ZNF782: variants seen among roughly 807,000 people sequenced by gnomAD.
ZNF782 encodes the protein zinc finger protein 782.
ZNF782 carries 12 observed loss-of-function variants against 13.0 expected under a neutral mutation model. The observed-to-expected ratio is 0.92, with a 90% CI of 0.59 to 1.50. ZNF782 has a LOEUF of 1.50. Ranked by LOEUF, ZNF782 falls within the 40% of genes most tolerant of loss-of-function variation. ZNF782 has a pLI of 0.00. For synonymous variants in ZNF782, 284 were observed against 283.0 expected (o/e 1.00, Z -0.04); for missense variants, 770 against 822.9 (o/e 0.94, Z 0.79).
intron 3 of ZNF782, among the ~76,000 whole-genome samples, chr9:96,846,932 G>C (rs951472763): frequency 3.3e-5 from 5 of 152,136 alleles, no homozygotes; most frequent in African/African-American, 1.2e-4. Context: ...CAGATCATAT[G>C]ATAGGCCACA....
At chr9:96,901,270 C>CT in the ZNF782 span, among the ~76,000 whole-genome samples, 5,514 of 126,902 alleles carry the variant, frequency 0.043, 309 homozygotes, top group African/African-American at 0.11. Flanking sequence ...TGAAAAAAAA[C>CT]TTTTTTTTTT....
chr9:96,848,383 TG>T (rs1294695116), intron 3 of ZNF782, among the ~76,000 whole-genome samples: 8 of 152,232 alleles, frequency 5.3e-5, no homozygotes. Flanking sequence ...TACTGCTGTT[TG>T]TAGATGATAT....
chr9:96,893,328 T>A, the ZNF782 span: 1 of 152,128 alleles, frequency 6.6e-6, no homozygotes, highest in Admixed American at 6.5e-5. Flanking sequence ...AAATTCCAAC[T>A]CATAGTTAAA....
chr9:96,829,559 A>G (rs1477462470), intron 4 of ZNF782, among the ~76,000 whole-genome samples: 1 of 152,210 alleles, frequency 6.6e-6, no homozygotes, highest in Non-Finnish European at 1.5e-5. Flanking sequence ...TTATAGAAGT[A>G]GATTACAAGT....
the ZNF782 span, among the ~76,000 whole-genome samples, chr9:96,920,411 C>A: frequency 8.2e-5 from 12 of 146,974 alleles, no homozygotes; most frequent in Admixed American, 8.0e-4. Context: ...GGACTACAGG[C>A]GCCCACCACC....
At chr9:96,832,766 T>G (rs1190370373) in intron 4 of ZNF782, among the ~76,000 whole-genome samples, 1 of 152,234 alleles carries the variant, frequency 6.6e-6, no homozygotes, top group Non-Finnish European at 1.5e-5. Context: ...TCTTTAGTTG[T>G]CAGAAGTTTC....
chr9:96,881,365 A>G, the ZNF782 span, among the ~76,000 whole-genome samples: 2 of 151,752 alleles, frequency 1.3e-5, no homozygotes, highest in African/African-American at 4.8e-5. Flanking sequence ...TTAATTTGAG[A>G]CTTTTCCTTT....
At chr9:96,901,259 T>C in the ZNF782 span, among the ~76,000 whole-genome samples, 2 of 150,812 alleles carry the variant, frequency 1.3e-5, no homozygotes, top group African/African-American at 4.9e-5. Flanking sequence ...TGTCCTATAA[T>C]TGAAAAAAAA....
At chr9:96,841,064 A>G (rs1231144483) in intron 4 of ZNF782, among the ~76,000 whole-genome samples, 1 of 151,990 alleles carries the variant, frequency 6.6e-6, no homozygotes, top group Non-Finnish European at 1.5e-5. Context: ...AAAGAATAAA[A>G]CAGGTCTATA....
At chr9:96,826,932 T>A (rs1850641871) in intron 5 of ZNF782, 148 bp downstream of exon 5, 1 of 522,070 alleles carries the variant, frequency 1.9e-6, no homozygotes, top group Admixed American at 3.5e-5. Flanking sequence ...TCCTACGAAC[T>A]TTGCCCCATG....
chr9:96,932,433 G>C, the ZNF782 span: 1 of 1,527,848 alleles, frequency 6.5e-7, no homozygotes. Flanking sequence ...GTGTCCTCGG[G>C]GCGCCGGAGC....
At chr9:96,846,599 A>C (rs1851346261) in intron 3 of ZNF782, among the ~76,000 whole-genome samples, 1 of 152,178 alleles carries the variant, frequency 6.6e-6, no homozygotes. Context: ...AAGACAAAGA[A>C]GGTCACCATA....
At chr9:96,841,459 A>T (rs1381007077) in intron 4 of ZNF782, among the ~76,000 whole-genome samples, 1 of 151,968 alleles carries the variant, frequency 6.6e-6, no homozygotes, top group Non-Finnish European at 1.5e-5. Context: ...TTCTCTCATA[A>T]ATGCAAAACT....
chr9:96,825,541 C>A (rs1035547137), intron 5 of ZNF782, among the ~76,000 whole-genome samples: 4 of 150,438 alleles, frequency 2.7e-5, no homozygotes, highest in East Asian at 1.9e-4. Context: ...GCAACAAAAG[C>A]CAAAATTGAC....
the ZNF782 span, among the ~76,000 whole-genome samples, chr9:96,918,246 C>A: frequency 6.7e-6 from 1 of 149,874 alleles, no homozygotes; most frequent in Non-Finnish European, 1.5e-5. Flanking sequence ...ACTAAAGATA[C>A]AAAAATTAGC....
At chr9:96,862,532 A>G (rs535440079) in intron 1 of ZNF782, among the ~76,000 whole-genome samples, 49 of 152,336 alleles carry the variant, frequency 3.2e-4, no homozygotes, top group African/African-American at 1.1e-3. Context: ...GAAGACTGTC[A>G]TTCAGAATTA....
intron 5 of ZNF782, among the ~76,000 whole-genome samples, chr9:96,826,684 C>T (rs1263034714): frequency 6.6e-6 from 1 of 152,110 alleles, no homozygotes; most frequent in African/African-American, 2.4e-5. Context: ...CTCATAACTG[C>T]CGAGGGGCTC....
intron 5 of ZNF782, among the ~76,000 whole-genome samples, chr9:96,823,094 C>T (rs186253056): frequency 1.3e-5 from 2 of 152,278 alleles, no homozygotes; most frequent in Non-Finnish European, 2.9e-5. Flanking sequence ...GAGCAGGAGT[C>T]AGTAAACTTT....
chr9:96,929,008 G>C, the ZNF782 span: 1 of 1,609,668 alleles, frequency 6.2e-7, no homozygotes, highest in Non-Finnish European at 8.5e-7. Context: ...GTGGTGGTCA[G>C]TGCCCAGCCT....
Sources: allele counts gnomAD v4.1 joint callset (sites outside exome capture counted in the v4.1 genomes callset), GRCh38; gene constraint gnomAD v4.1.1; transcripts MANE v1.5; gene names NCBI Gene and HGNC (gene_info 2026-07-23, HGNC 2026-07-21).